Variants in KATNIP observed in about 807,000 individuals in gnomAD.
KATNIP encodes the protein katanin-interacting protein.
KATNIP carries 126 observed loss-of-function variants against 174.0 expected under a neutral mutation model. The observed-to-expected ratio is 0.72, with a 90% CI of 0.63 to 0.84. KATNIP has a LOEUF of 0.84. Among genes scored for constraint, KATNIP ranks in the 40% least tolerant of loss-of-function variants. KATNIP has a pLI of 0.00. For missense variants in KATNIP, 1,958 were observed against 2,109.7 expected (o/e 0.93, Z 1.41); for synonymous variants, 810 against 835.7 (o/e 0.97, Z 0.53).
chr16:27,588,398 T>TA (rs1162061624), intron 2 of KATNIP, among the ~76,000 whole-genome samples: 3 of 152,162 alleles, frequency 2.0e-5, no homozygotes, highest in African/African-American at 7.2e-5. Flanking sequence ...TAGAATAATC[T>TA]ATATTTAAGA....
chr16:27,706,555 C>T (rs557338002), intron 12 of KATNIP, among the ~76,000 whole-genome samples: 30 of 152,316 alleles, frequency 2.0e-4, no homozygotes, highest in Admixed American at 7.8e-4. Context: ...CCCCTCCCAC[C>T]GCCAAGTGGG....
At chr16:27,624,930 A>C (rs2076290037) in intron 3 of KATNIP, among the ~76,000 whole-genome samples, 1 of 152,174 alleles carries the variant, frequency 6.6e-6, no homozygotes, top group Admixed American at 6.5e-5. Flanking sequence ...AAACAAATAC[A>C]CAGATACATC....
chr16:27,713,111 T>C (rs1178376834), intron 13 of KATNIP, among the ~76,000 whole-genome samples: 2 of 152,076 alleles, frequency 1.3e-5, no homozygotes, highest in African/African-American at 4.8e-5. Flanking sequence ...CCCAGCCCAT[T>C]TCAGACCTCA....
chr16:27,655,777 A>G (rs922797992), intron 6 of KATNIP, among the ~76,000 whole-genome samples: 2 of 152,084 alleles, frequency 1.3e-5, no homozygotes, highest in Non-Finnish European at 2.9e-5. Flanking sequence ...GGCCTCAGGG[A>G]AGCCCCTGCT....
intron 22 of KATNIP, 81 bp downstream of exon 22, chr16:27,771,733 A>G (rs2082312388): frequency 6.9e-7 from 1 of 1,440,682 alleles, no homozygotes; most frequent in Non-Finnish European, 9.7e-7. Context: ...CCAGGGTTTC[A>G]GGCGGCCACA....
chr16:27,690,151 A>G lies in KATNIP; in HGVS notation c.941-8177A>G, dbSNP rs578140948. Among the ~76,000 whole-genome samples the G allele has an allele frequency of 1.1e-3, 161 of 151,978 alleles. 1 individual carries two copies. The highest frequency in any genetic ancestry group is 1.6e-3 in the Non-Finnish European group (107 of 67,978). On this transcript the variant is annotated intron_variant, in intron 8 of 27. Transcript: ENST00000261588. ...TACCTCATCTCTACAAATAATAATA[A>G]TAATAATAATAAAACTAGCTGGGTG...
intron 6 of KATNIP, among the ~76,000 whole-genome samples, chr16:27,668,285 CAT>C (rs939389708): frequency 2.0e-5 from 3 of 152,188 alleles, no homozygotes; most frequent in African/African-American, 7.2e-5. Context: ...ACAATTCCCA[CAT>C]GTGGTGGGTG....
Position 27,698,423 on chromosome 16 carries a change from GCCATCCAGGTGGAGAACGCAGC to G in KATNIP, c.1039_1060del (p.Ile347CysfsTer82). 6.2e-7 allele frequency: 1 copy of G among 1,613,660 alleles called. No homozygotes were observed. The highest frequency in any genetic ancestry group is 8.5e-7 in the Non-Finnish European group (1 of 1,179,842). On this transcript the variant is annotated frameshift_variant, in exon 9 of 28. Coordinates refer to ENST00000261588, the MANE Select transcript of KATNIP (RefSeq NM_015202.5). LOFTEE classifies it high-confidence loss of function. Reference sequence around the variant, plus strand: ...GGAAGATGCCTCTGCTGTGCTCCAAGCCATCCAGGTGGAGAACGCAGCCCTGCAGAGGGCGCTCCTCAGCAGA... The same window carrying G: ...GGAAGATGCCTCTGCTGTGCTCCAAGCCTGCAGAGGGCGCTCCTCAGCAGA...
chr16:27,702,060 G>A (rs2079122700), intron 11 of KATNIP, among the ~76,000 whole-genome samples: 1 of 152,172 alleles, frequency 6.6e-6, no homozygotes, highest in Admixed American at 6.5e-5. Flanking sequence ...TCAAACAGGC[G>A]TAAGCCACTA....
At chr16:27,708,615 T>G (rs1186834077) in intron 12 of KATNIP, 90 bp from the exon 13 acceptor site, 1 of 979,478 alleles carries the variant, frequency 1.0e-6, no homozygotes, top group Non-Finnish European at 1.6e-6. Context: ...GAAGGTTAAC[T>G]AACTTTTTGA....
chr16:27,599,611 G>A (rs2075448917), intron 2 of KATNIP, among the ~76,000 whole-genome samples: 1 of 152,080 alleles, frequency 6.6e-6, no homozygotes, highest in African/African-American at 2.4e-5. Flanking sequence ...CTTCACCTTG[G>A]AAGCCTCTCT....
At chr16:27,665,953 G>A (rs912641037) in intron 6 of KATNIP, among the ~76,000 whole-genome samples, 3 of 152,168 alleles carry the variant, frequency 2.0e-5, no homozygotes, top group Non-Finnish European at 4.4e-5. Context: ...CTTTATGGAT[G>A]TGATCTCTCC....
intron 15 of KATNIP, among the ~76,000 whole-genome samples, chr16:27,744,798 G>A (rs1017604417): frequency 3.5e-4 from 53 of 150,246 alleles, no homozygotes; most frequent in African/African-American, 1.1e-3. Flanking sequence ...CATGAGAATC[G>A]CTTGAGCTCG....
chr16:27,755,525 C>G (rs528949578), intron 18 of KATNIP: 4 of 152,392 alleles, frequency 2.6e-5, no homozygotes, highest in Admixed American at 2.6e-4. Flanking sequence ...TGGGATGGCC[C>G]TTTGGGGTCA....
intron 13 of KATNIP, chr16:27,718,250 G>A (rs1051098767): frequency 4.6e-5 from 7 of 152,288 alleles, no homozygotes; most frequent in Non-Finnish European, 4.4e-5. Context: ...CACCTCCTGG[G>A]GTTTCCAAGT....
At chr16:27,564,738 G>T (rs1355912225) in intron 1 of KATNIP, among the ~76,000 whole-genome samples, 2 of 151,968 alleles carry the variant, frequency 1.3e-5, no homozygotes, top group African/African-American at 4.8e-5. Context: ...CAGAGCCGGT[G>T]TCTGCCTGGC....
rs369152799 is a variant in KATNIP, at chr16:27,681,384, A to G, written c.809-15A>G. The stretch of plus-strand genomic sequence containing the variant: ...TGCGCTCAGCGTCTTACATGAAACA[A>G]TTGTTTTCCTACAGGTCATAAAAGG... On this transcript the variant is annotated splice_polypyrimidine_tract_variant and intron_variant, in intron 7 of 27. Transcript: ENST00000261588. The G allele has an allele frequency of 2.5e-6, 4 of 1,614,114 alleles. No homozygotes were observed. The highest frequency in any genetic ancestry group is 2.2e-5 in the East Asian group (1 of 44,882).
At chr16:27,733,677 T>A (rs930714321) in intron 14 of KATNIP, among the ~76,000 whole-genome samples, 2 of 151,730 alleles carry the variant, frequency 1.3e-5, no homozygotes, top group Non-Finnish European at 1.5e-5. Flanking sequence ...ATGGTGCACT[T>A]CATGGAAGAA....
intron 14 of KATNIP, among the ~76,000 whole-genome samples, chr16:27,733,776 T>A (rs1404284545): frequency 6.6e-6 from 1 of 152,084 alleles, no homozygotes; most frequent in Non-Finnish European, 1.5e-5. Flanking sequence ...AGAAAGGATT[T>A]TCCCCCTGGA....
Sources: allele counts gnomAD v4.1 joint callset (sites outside exome capture counted in the v4.1 genomes callset), GRCh38; gene constraint gnomAD v4.1.1; transcripts MANE v1.5; gene names NCBI Gene and HGNC (gene_info 2026-07-23, HGNC 2026-07-21).